Variants in CENPW observed in about 807,000 individuals in gnomAD.
CENPW encodes cancer-up-regulated gene 2 protein.
Under a neutral mutation model 11.1 loss-of-function variants are expected in CENPW, and 3 were observed. That is an observed-to-expected ratio of 0.27 (90% CI 0.12 to 0.70). The LOEUF (loss-of-function observed/expected upper bound fraction) is 0.70, where lower values mean the gene tolerates loss of function less well. Among genes scored for constraint, CENPW ranks in the 30% least tolerant of loss-of-function variants. The pLI is 0.77. For missense variants in CENPW, 100 were observed against 105.6 expected (o/e 0.95, Z 0.23); for synonymous variants, 38 against 42.0 (o/e 0.91, Z 0.37).
chr6:126,468,188 C>CG, the CENPW span, among the ~76,000 whole-genome samples: 53 of 151,676 alleles, frequency 3.5e-4, 2 homozygotes, highest in South Asian at 9.6e-3. Flanking sequence ...GGGAGGCTGA[C>CG]GGGGGGCAGA....
At chr6:126,383,440 A>G in the CENPW span, among the ~76,000 whole-genome samples, 1 of 152,164 alleles carries the variant, frequency 6.6e-6, no homozygotes, top group Admixed American at 6.6e-5. Flanking sequence ...CCTTGAGTAT[A>G]AACAGGCTAA....
At chr6:126,378,465 GT>G in the CENPW span, among the ~76,000 whole-genome samples, 66,168 of 146,286 alleles carry the variant, frequency 0.45, 16,244 homozygotes, top group East Asian at 0.97. Flanking sequence ...TGTCCCTTGA[GT>G]TTTTTTTTTT....
chr6:126,397,163 A>G, the CENPW span, among the ~76,000 whole-genome samples: 6 of 151,998 alleles, frequency 3.9e-5, no homozygotes, highest in Non-Finnish European at 8.8e-5. Context: ...CTGCCTTTCA[A>G]TTTTATTTAG....
At chr6:126,399,620 A>G in the CENPW span, among the ~76,000 whole-genome samples, 1 of 151,786 alleles carries the variant, frequency 6.6e-6, no homozygotes, top group South Asian at 2.1e-4. Flanking sequence ...TGTCAATTAT[A>G]TCTTAATAAA....
At chr6:126,482,689 C>G in the CENPW span, among the ~76,000 whole-genome samples, 1 of 151,972 alleles carries the variant, frequency 6.6e-6, no homozygotes, top group Admixed American at 6.6e-5. Context: ...TCTGAACTCT[C>G]TAATTTGTTT....
the CENPW span, among the ~76,000 whole-genome samples, chr6:126,416,142 G>A: frequency 2.6e-5 from 4 of 152,138 alleles, no homozygotes; most frequent in Non-Finnish European, 1.5e-5. Context: ...GAAACTTGTT[G>A]GGAACTGGAA....
At chr6:126,481,565 C>T in the CENPW span, among the ~76,000 whole-genome samples, 1 of 151,982 alleles carries the variant, frequency 6.6e-6, no homozygotes, top group Non-Finnish European at 1.5e-5. Context: ...GCAACCCCCT[C>T]CAGCAATAAT....
At chr6:126,442,587 C>T in the CENPW span, among the ~76,000 whole-genome samples, 2 of 151,248 alleles carry the variant, frequency 1.3e-5, no homozygotes, top group Non-Finnish European at 3.0e-5. Flanking sequence ...AATACTATCT[C>T]ACTTAAACTT....
the CENPW span, among the ~76,000 whole-genome samples, chr6:126,446,318 A>G: frequency 6.6e-6 from 1 of 150,818 alleles, no homozygotes; most frequent in African/African-American, 2.4e-5. Context: ...ATTTTGCTGT[A>G]CTTATTCCCA....
the CENPW span, among the ~76,000 whole-genome samples, chr6:126,359,330 T>A: frequency 2.0e-5 from 3 of 152,014 alleles, no homozygotes; most frequent in South Asian, 6.2e-4. Flanking sequence ...ATTGAGACTT[T>A]CTTTATGACA....
chr6:126,451,513 T>C, the CENPW span, among the ~76,000 whole-genome samples: 1 of 151,242 alleles, frequency 6.6e-6, no homozygotes, highest in East Asian at 2.0e-4. Flanking sequence ...CTCAGAAAGA[T>C]AATATAAGAT....
chr6:126,454,284 A>G, the CENPW span, among the ~76,000 whole-genome samples: 1 of 151,466 alleles, frequency 6.6e-6, no homozygotes, highest in Non-Finnish European at 1.5e-5. Context: ...TCTCATGTGC[A>G]CATGGCACAT....
At chr6:126,461,884 T>A in the CENPW span, among the ~76,000 whole-genome samples, 1 of 151,910 alleles carries the variant, frequency 6.6e-6, no homozygotes, top group South Asian at 2.1e-4. Context: ...ATCTCTAAGG[T>A]TTCTAGTGGT....
intron 2 of CENPW, among the ~76,000 whole-genome samples, chr6:126,346,709 A>G (rs1268909965): frequency 6.6e-6 from 1 of 152,172 alleles, no homozygotes; most frequent in Non-Finnish European, 1.5e-5. Context: ...TTTATAAAGG[A>G]AAGAGAACTC....
Position 126,340,221 on chromosome 6 carries a change from T to A in CENPW, c.-53T>A. The A allele has an allele frequency of 1.3e-6, 2 of 1,571,918 alleles. No individual in the cohort carries two copies. Among genetic ancestry groups the A allele is most frequent in the Non-Finnish European group, 1.7e-6 (2 of 1,145,548 alleles). On this transcript the variant is annotated 5_prime_UTR_variant, in exon 1 of 3. Transcript: ENST00000368328. ...TGGCCCAGTGTCCCCGGAGCTTGTG[T>A]GCGATACAGAGAGCACCTCGGAAGC...
At chr6:126,345,247 CTTG>C (rs1780386081) in intron 1 of CENPW, among the ~76,000 whole-genome samples, 1 of 151,554 alleles carries the variant, frequency 6.6e-6, no homozygotes, top group Admixed American at 6.6e-5. Flanking sequence ...CATATCAGAG[CTTG>C]TTTATACATA....
Position 126,340,417 on chromosome 6 carries a change from C to G in CENPW, c.126+18C>G. On this transcript the variant is annotated intron_variant, in intron 1 of 2. Transcript: ENST00000368328. The stretch of plus-strand genomic sequence containing the variant: ...ACTTATTGGTGAGATTCCATCCCTT[C>G]TCGGGCTGGGAATGGGGCACGGGAG... The G allele has an allele frequency of 2.5e-6, 4 of 1,614,190 alleles. No homozygotes were observed. The highest frequency in any genetic ancestry group is 3.4e-6 in the Non-Finnish European group (4 of 1,180,034).
chr6:126,381,203 A>G, the CENPW span, among the ~76,000 whole-genome samples: 1 of 152,130 alleles, frequency 6.6e-6, no homozygotes, highest in African/African-American at 2.4e-5. Context: ...GTATTGTTGA[A>G]TGTTTTTGTT....
At chr6:126,351,149 A>AGTGTGT (rs71024750), downstream of CENPW, among the ~76,000 whole-genome samples, 4,509 of 147,126 alleles carry the variant, frequency 0.031, 202 homozygotes, top group Admixed American at 0.12. Context: ...AGAGAGAGTG[A>AGTGTGT]GTGTGTGTGT....
Sources: allele counts gnomAD v4.1 joint callset (sites outside exome capture counted in the v4.1 genomes callset), GRCh38; gene constraint gnomAD v4.1.1; transcripts MANE v1.5; gene names NCBI Gene and HGNC (gene_info 2026-07-23, HGNC 2026-07-21).